Variants in ADAP1 observed in about 807,000 individuals in gnomAD.
ADAP1 encodes the protein arf-GAP with dual PH domain-containing protein 1.
In ADAP1, 31 loss-of-function variants were observed where a neutral mutation model predicts 54.9. That is an observed-to-expected ratio of 0.56 (90% CI 0.42 to 0.76). ADAP1 has a LOEUF of 0.76. ADAP1 is among the 30% of genes least tolerant of loss of function. The pLI, the probability that ADAP1 is intolerant of heterozygous loss-of-function variation, is 0.00. For synonymous variants in ADAP1, 313 were observed against 202.6 expected (o/e 1.55, Z -4.63); for missense variants, 535 against 512.4 (o/e 1.04, Z -0.42).
rs910629993 is a variant in ADAP1 at position 946,010 on chromosome 7, G to A, written c.82+8386C>T. ...CAGAGATCCCGGTGCAATCGAGGCC[G>A]GGTCGGACGCTGGCTCTGGCCAGGC... On this transcript the variant is annotated intron_variant, in intron 1 of 10. Transcript: ENST00000265846. This position sits in a 1 kb window ranked among gnomAD's most constrained non-coding sequence, Gnocchi z 4.3. 5.3e-5 allele frequency among the ~76,000 whole-genome samples: 8 copies of A among 152,212 alleles called. No individual in the cohort carries two copies. Among genetic ancestry groups the A allele is most frequent in the Non-Finnish European group, 5.9e-5 (4 of 68,028 alleles).
chr7:920,890 G>T lies in ADAP1; in HGVS notation c.306-840C>A, dbSNP rs187345422. The T allele has an allele frequency of 1.9e-6, 3 of 1,549,404 alleles. No individual in the cohort carries two copies. The highest frequency in any genetic ancestry group is 1.2e-5 in the South Asian group (1 of 84,040). On this transcript the variant is annotated intron_variant, in intron 3 of 10. Coordinates refer to ENST00000265846, the MANE Select transcript of ADAP1 (RefSeq NM_006869.4). This position sits in a 1 kb window ranked among gnomAD's most constrained non-coding sequence, Gnocchi z 4.5. Reference sequence around the variant, plus strand: ...GCCTTTTCCACTCCCAGGGAATTACGCGGCAAAGAACAAATAGGAACCCTG... The same window carrying T: ...GCCTTTTCCACTCCCAGGGAATTACTCGGCAAAGAACAAATAGGAACCCTG...
intron 1 of ADAP1, among the ~76,000 whole-genome samples, chr7:937,061 G>A (rs888834964): frequency 2.0e-5 from 3 of 151,966 alleles, no homozygotes; most frequent in African/African-American, 4.8e-5. Flanking sequence ...CGGATTTGGG[G>A]GTCATGCCCG....
At chr7:931,474 G>A (rs189435353) in intron 2 of ADAP1, among the ~76,000 whole-genome samples, 12 of 152,218 alleles carry the variant, frequency 7.9e-5, no homozygotes, top group East Asian at 1.9e-4. Context: ...GGAGTCGGAC[G>A]CCGAAGCTCA....
At chr7:912,530 A>C (rs891145704) in intron 4 of ADAP1, among the ~76,000 whole-genome samples, 1 of 152,062 alleles carries the variant, frequency 6.6e-6, no homozygotes, top group African/African-American at 2.4e-5. Context: ...GCTGAGGTTC[A>C]CCTGGGGCCA....
At position 920,278 on chromosome 7, in the gene ADAP1, C is replaced by T. The variant is rs1040917115; in HGVS notation, c.306-228G>A. ...ATTGGTTTCTTGTGCGTTCGGCCCCCGGAGCATCAGGCCTCACGTTCTGCA... is the reference window on the plus strand; with the variant it reads ...ATTGGTTTCTTGTGCGTTCGGCCCCTGGAGCATCAGGCCTCACGTTCTGCA... On this transcript the variant is annotated intron_variant, in intron 3 of 10. Coordinates refer to ENST00000265846, the MANE Select transcript of ADAP1 (RefSeq NM_006869.4). This position sits in a 1 kb window ranked among gnomAD's most constrained non-coding sequence, Gnocchi z 4.5. 8.5e-5 allele frequency among the ~76,000 whole-genome samples: 13 copies of T among 152,220 alleles called. No homozygotes were observed. Among genetic ancestry groups the T allele is most frequent in the South Asian group, 2.1e-4 (1 of 4,826 alleles).
intron 4 of ADAP1, among the ~76,000 whole-genome samples, chr7:906,759 CAGGGGACATGG>C (rs1845455576): frequency 1.9e-4 from 3 of 16,174 alleles, no homozygotes; most frequent in African/African-American, 5.7e-4. Context: ...GGGACATGGA[CAGGGGACATGG>C]GGGACAGGGG....
chr7:916,934 G>A (rs1196457240), intron 4 of ADAP1, among the ~76,000 whole-genome samples: 1 of 150,908 alleles, frequency 6.6e-6, no homozygotes, highest in Admixed American at 6.6e-5. Flanking sequence ...CCAGGGAGGT[G>A]CACGGGAGGG....
intron 4 of ADAP1, among the ~76,000 whole-genome samples, chr7:916,175 C>G (rs149024689): frequency 6.6e-6 from 1 of 152,328 alleles, no homozygotes; most frequent in Non-Finnish European, 1.5e-5. Flanking sequence ...CCTGACCTTT[C>G]CTGGCAGCCC....
chr7:943,592 GGA>G (rs1439362546), intron 1 of ADAP1, among the ~76,000 whole-genome samples: 1 of 24,152 alleles, frequency 4.1e-5, no homozygotes, highest in Non-Finnish European at 7.0e-5. Flanking sequence ...GATGAGGAAG[GGA>G]GAGAGGAGGA....
At chr7:927,354 A>C in intron 2 of ADAP1, 1 of 792,788 alleles carries the variant, frequency 1.3e-6, no homozygotes, top group Non-Finnish European at 1.8e-6. Flanking sequence ...CCCTGCCGCC[A>C]GCCAGGTATG....
intron 4 of ADAP1, among the ~76,000 whole-genome samples, chr7:913,481 G>A (rs1186298224): frequency 1.3e-5 from 2 of 152,108 alleles, no homozygotes; most frequent in Admixed American, 6.5e-5. Context: ...GATTACAGGC[G>A]TGAGGCACCG....
chr7:935,440 T>G lies in ADAP1; in HGVS notation c.148A>C (p.Asn50His). The G allele has an allele frequency of 6.4e-7, 1 of 1,559,946 alleles. No homozygotes were observed. Among genetic ancestry groups the G allele is most frequent in the East Asian group, 2.4e-5 (1 of 41,534 alleles). The stretch of plus-strand genomic sequence containing the variant: ...TTCACCTTGCTGACCTGGGGGATAT[T>G]CCGGTGGATTCCCGAGCAGCTCAGG... ...ICLSCSGIHR[N>H]IPQVSKVKSV... Residue 50 changes from asparagine (N) to histidine (H), a missense_variant, in exon 2 of 11, where the codon AAT becomes CAT. Coordinates refer to ENST00000265846, the MANE Select transcript of ADAP1 (RefSeq NM_006869.4).
At chr7:953,997 C>T (rs1196104234) in intron 1 of ADAP1, among the ~76,000 whole-genome samples, 1 of 152,228 alleles carries the variant, frequency 6.6e-6, no homozygotes, top group African/African-American at 2.4e-5. Flanking sequence ...GACCCCACAG[C>T]CCAGCAGAGA....
chr7:921,980 C>T (rs1846207569), intron 3 of ADAP1, among the ~76,000 whole-genome samples: 1 of 152,186 alleles, frequency 6.6e-6, no homozygotes, highest in African/African-American at 2.4e-5. Flanking sequence ...CAGGGCCTGG[C>T]ACAGAAGCTT....
chr7:934,547 T>C (rs1480101210), intron 2 of ADAP1, among the ~76,000 whole-genome samples: 1 of 152,040 alleles, frequency 6.6e-6, no homozygotes, highest in Non-Finnish European at 1.5e-5. Context: ...GGAAGATCAA[T>C]GGCTTCCAGA....
At chr7:951,149 T>G (rs975040704) in intron 1 of ADAP1, among the ~76,000 whole-genome samples, 2 of 151,312 alleles carry the variant, frequency 1.3e-5, no homozygotes, top group African/African-American at 4.9e-5. Flanking sequence ...CCGAGGCGGG[T>G]GGATCACGAG....
chr7:916,623 C>T (rs768891585), intron 4 of ADAP1, among the ~76,000 whole-genome samples: 13 of 152,262 alleles, frequency 8.5e-5, no homozygotes, highest in East Asian at 3.9e-4. Flanking sequence ...CAGGTGCCCG[C>T]GTGTTCATCC....
chr7:902,458 CAAAA>C (rs758277562), intron 6 of ADAP1, among the ~76,000 whole-genome samples: 1 of 66,538 alleles, frequency 1.5e-5, no homozygotes, highest in African/African-American at 7.2e-5. Context: ...AACTCTGCCT[CAAAA>C]AAAAAAAAAG....
chr7:906,968 G>T (rs1277433035), intron 4 of ADAP1, among the ~76,000 whole-genome samples: 1 of 152,090 alleles, frequency 6.6e-6, no homozygotes, highest in African/African-American at 2.4e-5. Context: ...TCCCCATCCT[G>T]AGTGGACATG....
Sources: allele counts gnomAD v4.1 joint callset (sites outside exome capture counted in the v4.1 genomes callset), GRCh38; gene constraint gnomAD v4.1.1; non-coding constraint Gnocchi (gnomAD v3.1); transcripts MANE v1.5; gene names NCBI Gene and HGNC (gene_info 2026-07-23, HGNC 2026-07-21).